Variants in PCDHA6 observed in about 807,000 individuals in gnomAD.
The protein encoded by PCDHA6 is protocadherin alpha-6.
In PCDHA6, 55 loss-of-function variants were observed where a neutral mutation model predicts 60.3. The ratio of observed to expected loss-of-function variants is 0.91; its 90% CI spans 0.73 to 1.14. The LOEUF (loss-of-function observed/expected upper bound fraction) is 1.14. PCDHA6 is among the 50% of genes most tolerant of loss of function. PCDHA6 has a pLI of 0.00. For synonymous variants in PCDHA6, 652 were observed against 557.9 expected, an observed-to-expected ratio of 1.17 and a Z score of -2.38; for missense variants, 1,327 against 1,256.5, an observed-to-expected ratio of 1.06 and a Z score of -0.85.
At chr5:140,944,385 C>T (rs1273075803) in intron 1 of PCDHA6, among the ~76,000 whole-genome samples, 4 of 152,092 alleles carry the variant, frequency 2.6e-5, no homozygotes, top group Non-Finnish European at 5.9e-5. Flanking sequence ...TGGAGTCTCA[C>T]TGTGTTATCC....
intron 3 of PCDHA6, among the ~76,000 whole-genome samples, chr5:140,986,402 A>G (rs782590214): frequency 6.6e-6 from 1 of 152,192 alleles, no homozygotes; most frequent in Non-Finnish European, 1.5e-5. Context: ...CCAGTCGCTC[A>G]TGTTACAGCT....
chr5:140,944,206 T>C (rs1291391135), intron 1 of PCDHA6, among the ~76,000 whole-genome samples: 1 of 152,156 alleles, frequency 6.6e-6, no homozygotes, highest in Non-Finnish European at 1.5e-5. Context: ...GTTTTGTTTT[T>C]AAAGAGGGTT....
In PCDHA6 at chr5:140,876,678, G is replaced by C. The variant is rs782561315; in HGVS notation, c.2394+46193G>C. ...CCTTCAAGCTGGTGTCCACCTACAA[G>C]AATTACTACTCGTTGGTGCTGGACA... On this transcript the variant is annotated intron_variant, in intron 1 of 3. Coordinates refer to ENST00000529310, the MANE Select transcript of PCDHA6 (RefSeq NM_018909.4). The C allele has an allele frequency of 1.9e-6, 3 of 1,614,100 alleles. No individual in the cohort carries two copies. In the East Asian group the frequency reaches 6.7e-5, roughly 36 times the overall value.
Position 140,830,467 on chromosome 5 carries a change from T to A in PCDHA6, c.2376T>A (p.Asn792Lys). ...MMGKAENQDLNEDHDAKPRQP... is the reference protein window; with the variant it reads ...MMGKAENQDLKEDHDAKPRQP... ...GTAAGGCGGAGAATCAGGATTTAAA[T>A]GAAGATCATGATGCCAAAGTAAGTG... Residue 792 changes from asparagine to lysine, a missense_variant, in exon 1 of 4, where the codon AAT becomes AAA. Transcript: ENST00000529310. 2 of 1,572,686 alleles carry A rather than the reference T, an allele frequency of 1.3e-6. No homozygotes were observed. The highest frequency in any genetic ancestry group is 1.7e-6 in the Non-Finnish European group (2 of 1,156,644).
chr5:140,906,193 AAGTTGACACTC>A (rs1337204998), intron 1 of PCDHA6, among the ~76,000 whole-genome samples: 4 of 152,140 alleles, frequency 2.6e-5, no homozygotes, highest in African/African-American at 9.7e-5. Context: ...CAATCCAATC[AAGTTGACACTC>A]AGTATTAACC....
chr5:140,850,615 T>C, intron 1 of PCDHA6: 1 of 1,598,228 alleles, frequency 6.3e-7, no homozygotes, highest in Non-Finnish European at 8.6e-7. Flanking sequence ...ATCTGCGCGG[T>C]GTCTAGCCTG....
intron 1 of PCDHA6, among the ~76,000 whole-genome samples, chr5:140,905,387 G>T (rs1554192032): frequency 1.3e-5 from 2 of 152,138 alleles, no homozygotes; most frequent in African/African-American, 4.8e-5. Context: ...TGTTTCATAG[G>T]TCTGTGTGCC....
At position 141,009,931 on chromosome 5, in the gene PCDHA6, C is replaced by T. The variant is rs2098415407; in HGVS notation, c.2847C>T (p.Asp949=). ...EKGNSTTDNS[D]Q ...GGAACAGCACGACTGACAACAGTGA[C>T]CAGTGAGGTCCTCAAATGGAAACAA... Residue 949 remains aspartate (D), a synonymous_variant, in exon 4 of 4, where the codon GAC becomes GAT. Transcript: ENST00000529310. The T allele has an allele frequency of 6.2e-7, 1 of 1,601,706 alleles. No individual in the cohort carries two copies. The highest frequency in any genetic ancestry group is 8.5e-7 in the Non-Finnish European group (1 of 1,175,864).
chr5:140,915,373 C>T (rs1234241584), intron 1 of PCDHA6, among the ~76,000 whole-genome samples: 12 of 152,126 alleles, frequency 7.9e-5, no homozygotes, highest in African/African-American at 2.2e-4. Flanking sequence ...GTAAGTGTCT[C>T]GGCATTGAAG....
chr5:140,926,469 C>A (rs558686220), intron 1 of PCDHA6: 1 of 162,452 alleles, frequency 6.2e-6, no homozygotes, highest in Admixed American at 6.4e-5. Context: ...TAGAAAACAC[C>A]GTTTAAGGAG....
intron 1 of PCDHA6, chr5:140,882,457 G>C: frequency 1.2e-6 from 2 of 1,614,056 alleles, no homozygotes; most frequent in Non-Finnish European, 1.7e-6. Context: ...TGCCGCGCCT[G>C]TTCCGGGTGG....
At chr5:140,916,596 G>A (rs1482287916) in intron 1 of PCDHA6, among the ~76,000 whole-genome samples, 3 of 152,194 alleles carry the variant, frequency 2.0e-5, no homozygotes, top group Non-Finnish European at 4.4e-5. Context: ...GCTAGGGCCT[G>A]GAATGCGGGC....
chr5:140,923,644 C>G (rs1554201552), intron 1 of PCDHA6, among the ~76,000 whole-genome samples: 1 of 152,204 alleles, frequency 6.6e-6, no homozygotes. Flanking sequence ...AAATCTTTAG[C>G]CTCCCTTATC....
At chr5:140,911,620 C>T (rs2075566183) in intron 1 of PCDHA6, among the ~76,000 whole-genome samples, 1 of 152,146 alleles carries the variant, frequency 6.6e-6, no homozygotes, top group Non-Finnish European at 1.5e-5. Context: ...CTTAGTTCCC[C>T]ACATATGGTC....
intron 1 of PCDHA6, among the ~76,000 whole-genome samples, chr5:140,888,420 C>T (rs947790198): frequency 3.3e-5 from 5 of 152,130 alleles, no homozygotes; most frequent in African/African-American, 4.8e-5. Context: ...AACATCCTAC[C>T]GTGCACAGGA....
At chr5:140,926,471 T>G in intron 1 of PCDHA6, 1 of 162,332 alleles carries the variant, frequency 6.2e-6, no homozygotes, top group Non-Finnish European at 1.3e-5. Context: ...GAAAACACCG[T>G]TTAAGGAGAG....
intron 1 of PCDHA6, among the ~76,000 whole-genome samples, chr5:140,954,350 GA>G (rs1255818394): frequency 6.6e-6 from 1 of 152,156 alleles, no homozygotes; most frequent in Non-Finnish European, 1.5e-5. Context: ...GATCTTTGAG[GA>G]ATCGCCACAC....
chr5:140,847,058 A>C (rs1780836064), intron 1 of PCDHA6, among the ~76,000 whole-genome samples: 1 of 149,958 alleles, frequency 6.7e-6, no homozygotes, highest in Non-Finnish European at 1.5e-5. Context: ...AGACACAGAA[A>C]GCATCAATAT....
At chr5:140,966,808 A>G (rs782040625) in intron 1 of PCDHA6, 5 of 1,548,024 alleles carry the variant, frequency 3.2e-6, no homozygotes, top group Non-Finnish European at 4.3e-6. Context: ...CAGAGCATCC[A>G]CGGCTCCGGC....
Sources: allele counts gnomAD v4.1 joint callset (sites outside exome capture counted in the v4.1 genomes callset), GRCh38; gene constraint gnomAD v4.1.1; transcripts MANE v1.5; gene names NCBI Gene and HGNC (gene_info 2026-07-23, HGNC 2026-07-21).